Variants in OSBPL10 observed in about 807,000 individuals in gnomAD.
OSBPL10 encodes oxysterol-binding protein-related protein 10.
A neutral mutation model predicts 81.7 loss-of-function variants in OSBPL10; 49 were observed. The observed-to-expected ratio is 0.60, with a 90% CI of 0.48 to 0.76. OSBPL10 has a LOEUF of 0.76. Ranked by LOEUF, OSBPL10 falls within the 30% of genes least tolerant of loss-of-function variation. The probability of loss-of-function intolerance (pLI) is 0.00; values close to 1 mark genes in which losing one functional copy is unlikely to be tolerated. For synonymous variants in OSBPL10, 419 were observed against 383.6 expected (o/e 1.09, Z -1.08); for missense variants, 923 against 987.8 (o/e 0.93, Z 0.88).
intron 1 of OSBPL10, among the ~76,000 whole-genome samples, chr3:32,068,465 T>C (rs773224754): frequency 3.9e-5 from 6 of 152,050 alleles, no homozygotes; most frequent in Non-Finnish European, 8.8e-5. Flanking sequence ...TCCTTCACTA[T>C]GGGCAACCTT....
At chr3:31,829,646 G>C (rs1421036503) in intron 4 of OSBPL10, among the ~76,000 whole-genome samples, 1 of 152,100 alleles carries the variant, frequency 6.6e-6, no homozygotes, top group African/African-American at 2.4e-5. Flanking sequence ...AAGTGAAGCA[G>C]GGCAGAAAAC....
Position 31,748,008 on chromosome 3 carries a change from G to A in OSBPL10, c.842C>T (p.Thr281Ile). 1 of 1,614,210 alleles carries A rather than the reference G, an allele frequency of 6.2e-7. No homozygotes were observed. The highest frequency in any genetic ancestry group is 8.5e-7 in the Non-Finnish European group (1 of 1,180,032). ...LDQDLLLLKATSAATLSCLGE... is the reference protein window; with the variant it reads ...LDQDLLLLKAISAATLSCLGE... ...AAGGCAGCTGAGGGTGGCAGCAGAGGTAGCTTTCAGGAGCAGCAGGTCCTG... is the reference window on the plus strand; with the variant it reads ...AAGGCAGCTGAGGGTGGCAGCAGAGATAGCTTTCAGGAGCAGCAGGTCCTG... Residue 281 changes from threonine (T) to isoleucine (I), a missense_variant, in exon 5 of 12, where the codon ACC becomes ATC. By Grantham distance (89) the Thr-to-Ile change is moderately conservative. Transcript: ENST00000396556.
chr3:31,948,344 T>C (rs1306331565), intron 1 of OSBPL10, among the ~76,000 whole-genome samples: 3 of 152,148 alleles, frequency 2.0e-5, no homozygotes, highest in Non-Finnish European at 4.4e-5. Flanking sequence ...AAAAAACTCA[T>C]CTGTACAAGG....
chr3:31,953,003 G>A lies in OSBPL10; in HGVS notation c.281+27896C>T, dbSNP rs183280393. Among the ~76,000 whole-genome samples the A allele has an allele frequency of 2.7e-3, 411 of 149,842 alleles. 9 individuals are homozygous for A. The highest frequency in any genetic ancestry group is 0.027 in the Admixed American group (407 of 14,906). On this transcript the variant is annotated intron_variant, in intron 1 of 11. Transcript: ENST00000396556. ...GCTGGAGTGCAATGGTGCAATCTCG[G>A]CTCACTGCAACCTCCGCCTCCAGGG...
At chr3:31,792,522 T>G (rs1219654617) in intron 4 of OSBPL10, among the ~76,000 whole-genome samples, 2 of 152,152 alleles carry the variant, frequency 1.3e-5, no homozygotes, top group Non-Finnish European at 2.9e-5. Context: ...CGTTTCTGTT[T>G]TGTTGCAGCG....
chr3:31,672,119 G>A (rs1041953090), intron 8 of OSBPL10, among the ~76,000 whole-genome samples: 1 of 152,016 alleles, frequency 6.6e-6, no homozygotes, highest in Non-Finnish European at 1.5e-5. Flanking sequence ...TCCTCCAGTG[G>A]AAAGAGTGAA....
chr3:31,963,433 T>A (rs1698225586), intron 1 of OSBPL10, among the ~76,000 whole-genome samples: 1 of 152,230 alleles, frequency 6.6e-6, no homozygotes, highest in Non-Finnish European at 1.5e-5. Flanking sequence ...TTAACACTGA[T>A]TAAATACTAT....
chr3:31,992,416 C>A (rs917386857), intron 2 of OSBPL10, among the ~76,000 whole-genome samples: 1 of 152,038 alleles, frequency 6.6e-6, no homozygotes, highest in African/African-American at 2.4e-5. Flanking sequence ...ATGGGTCTTA[C>A]ATGGTAAAAT....
chr3:31,940,613 C>A (rs7636642), intron 1 of OSBPL10, among the ~76,000 whole-genome samples: 14 of 152,116 alleles, frequency 9.2e-5, no homozygotes, highest in African/African-American at 3.1e-4. Context: ...ACTCCTTCTT[C>A]GTCACCTTCC....
chr3:31,745,798 T>C (rs1023976147), intron 5 of OSBPL10, among the ~76,000 whole-genome samples: 15 of 152,194 alleles, frequency 9.9e-5, no homozygotes, highest in African/African-American at 3.6e-4. Context: ...GTTCAGTAAA[T>C]GATGGTGGGT....
At chr3:31,930,427 T>G (rs1326048748) in intron 1 of OSBPL10, among the ~76,000 whole-genome samples, 1 of 152,166 alleles carries the variant, frequency 6.6e-6, no homozygotes, top group African/African-American at 2.4e-5. Context: ...AATTTAAAAA[T>G]GTACATACCT....
chr3:31,775,037 T>A (rs1378845137), intron 4 of OSBPL10, among the ~76,000 whole-genome samples: 1 of 151,432 alleles, frequency 6.6e-6, no homozygotes, highest in Non-Finnish European at 1.5e-5. Context: ...AATGGTGGCA[T>A]GTGCCTGTAA....
chr3:31,949,242 G>A (rs766295172), intron 1 of OSBPL10, among the ~76,000 whole-genome samples: 1 of 152,122 alleles, frequency 6.6e-6, no homozygotes, highest in African/African-American at 2.4e-5. Flanking sequence ...GAAAAAACAG[G>A]AGACAAGTTA....
intron 4 of OSBPL10, among the ~76,000 whole-genome samples, chr3:31,792,982 C>T (rs547385154): frequency 6.6e-6 from 1 of 151,776 alleles, no homozygotes; most frequent in African/African-American, 2.4e-5. Flanking sequence ...CCTGAGGATG[C>T]ACATCATTTG....
rs901618740 is a variant in OSBPL10 at position 31,800,436 on chromosome 3, C to T, written c.729+29604G>A. Among the ~76,000 whole-genome samples the T allele has an allele frequency of 5.3e-5, 8 of 152,304 alleles. 2 individuals carry two copies. Among genetic ancestry groups the T allele is most frequent in the Admixed American group, 1.3e-4 (2 of 15,300 alleles). Reference sequence around the variant, plus strand: ...GGCCCAGCACAAACACCAGCCTGGCCCTGGCATGATGGGCCATCAAACATG... The same window carrying T: ...GGCCCAGCACAAACACCAGCCTGGCTCTGGCATGATGGGCCATCAAACATG... On this transcript the variant is annotated intron_variant, in intron 4 of 11. Coordinates refer to ENST00000396556, the MANE Select transcript of OSBPL10 (RefSeq NM_017784.5).
chr3:31,668,949 G>T, intron 9 of OSBPL10, 125 bp from the exon 10 acceptor site: 1 of 797,944 alleles, frequency 1.3e-6, no homozygotes, highest in Non-Finnish European at 1.9e-6. Flanking sequence ...TGTTTTTGCA[G>T]CTTTGCTCAA....
At chr3:32,030,888 G>A (rs548279026) in intron 2 of OSBPL10, among the ~76,000 whole-genome samples, 14 of 152,216 alleles carry the variant, frequency 9.2e-5, no homozygotes, top group African/African-American at 3.4e-4. Flanking sequence ...TGAGGAGGCC[G>A]GGCGCGGTGG....
At chr3:31,751,151 A>C (rs953326855) in intron 4 of OSBPL10, among the ~76,000 whole-genome samples, 2 of 152,034 alleles carry the variant, frequency 1.3e-5, no homozygotes, top group Non-Finnish European at 2.9e-5. Context: ...ACCAAAAAAA[A>C]CAACAAAAAC....
chr3:31,840,094 C>T (rs954002297), intron 3 of OSBPL10, among the ~76,000 whole-genome samples: 1 of 151,346 alleles, frequency 6.6e-6, no homozygotes, highest in East Asian at 2.0e-4. Flanking sequence ...TCATTGTAAT[C>T]GACCCAGAAG....
Sources: gnomAD v4.1 joint callset for allele counts (sites outside exome capture counted in the v4.1 genomes callset) on GRCh38, gnomAD v4.1.1 for gene constraint, MANE v1.5 for transcripts, NCBI Gene and HGNC (gene_info 2026-07-23, HGNC 2026-07-21) for gene names.